Variants in CDH4 observed in about 807,000 individuals in gnomAD.
The protein encoded by CDH4 is cadherin 4.
A neutral mutation model predicts 86.0 loss-of-function variants in CDH4; 33 were observed. The ratio of observed to expected loss-of-function variants is 0.38; its 90% confidence interval spans 0.29 to 0.51. The LOEUF is 0.51. CDH4 is among the 20% of genes least tolerant of loss of function. The pLI is 0.86. For synonymous variants in CDH4, 555 were observed against 549.4 expected, an observed-to-expected ratio of 1.01 and a Z score of -0.14; for missense variants, 1,114 against 1,307.4, an observed-to-expected ratio of 0.85 and a Z score of 2.28.
chr20:61,898,253 A>G (rs549101964), intron 8 of CDH4, among the ~76,000 whole-genome samples: 1 of 152,386 alleles, frequency 6.6e-6, no homozygotes, highest in East Asian at 1.9e-4. Flanking sequence ...ATCAAGAACA[A>G]TCAGCAGAAG....
chr20:61,352,520 T>A (rs536510879), intron 2 of CDH4, among the ~76,000 whole-genome samples: 4 of 152,212 alleles, frequency 2.6e-5, no homozygotes, highest in Non-Finnish European at 5.9e-5. Flanking sequence ...GTGAGCCGCC[T>A]GTGGGGCAGC....
At position 61,544,642 on chromosome 20, in the gene CDH4, C is replaced by T. The variant is rs1467887615; in HGVS notation, c.170-198921C>T. ...ACAGGGCCCACCAGACCCCACGCTG[C>T]TCTACTCCGCACCGGCCCCCCTGCC... On this transcript the variant is annotated intron_variant, in intron 2 of 15. Coordinates refer to ENST00000614565, the MANE Select transcript of CDH4 (RefSeq NM_001794.5). The surrounding 1 kb of genome is among the most constrained non-coding windows in gnomAD (Gnocchi z 6.5). Among the ~76,000 whole-genome samples, 1 of 152,046 alleles carries T rather than the reference C, an allele frequency of 6.6e-6. No individual in the cohort carries two copies. Among genetic ancestry groups the T allele is most frequent in the East Asian group, 1.9e-4 (1 of 5,138 alleles).
At chr20:61,934,626 C>G (rs946610591) in intron 15 of CDH4, among the ~76,000 whole-genome samples, 2 of 152,374 alleles carry the variant, frequency 1.3e-5, no homozygotes, top group African/African-American at 4.8e-5. Context: ...ACAGAGCCCA[C>G]TGCCGCTGTG....
chr20:61,369,217 C>CTTA (rs1292504992), intron 2 of CDH4, among the ~76,000 whole-genome samples: 2 of 152,160 alleles, frequency 1.3e-5, no homozygotes, highest in Admixed American at 6.5e-5. Flanking sequence ...CTTTGGGAGG[C>CTTA]TGAGGCGGGC....
At chr20:61,659,502 G>A (rs1275214607) in intron 2 of CDH4, among the ~76,000 whole-genome samples, 1 of 152,222 alleles carries the variant, frequency 6.6e-6, no homozygotes, top group Non-Finnish European at 1.5e-5. Flanking sequence ...TGGCTTTCAA[G>A]TGAGCGAAGG....
chr20:61,701,892 T>A (rs755285543), intron 2 of CDH4, among the ~76,000 whole-genome samples: 1 of 152,224 alleles, frequency 6.6e-6, no homozygotes, highest in Non-Finnish European at 1.5e-5. Flanking sequence ...GGGACAAGTT[T>A]GACCTTATCA....
chr20:61,833,414 C>T (rs149995697), intron 4 of CDH4, among the ~76,000 whole-genome samples: 7 of 152,000 alleles, frequency 4.6e-5, no homozygotes, highest in South Asian at 4.2e-4. Flanking sequence ...CAGAGCTCTC[C>T]GGGGGAGACA....
chr20:61,845,156 G>A (rs760371982), intron 5 of CDH4, among the ~76,000 whole-genome samples: 13 of 152,234 alleles, frequency 8.5e-5, no homozygotes, highest in African/African-American at 1.2e-4. Flanking sequence ...ATGGCTCTGC[G>A]GGGCTGGGAG....
In CDH4 at chr20:61,654,479, T is replaced by C. The variant is rs539332303; in HGVS notation, c.170-89084T>C. Among the ~76,000 whole-genome samples the C allele has an allele frequency of 4.4e-4, 67 of 152,300 alleles. 1 individual carries two copies. Among genetic ancestry groups the C allele is most frequent in the Admixed American group, 3.5e-3 (54 of 15,296 alleles). ...GAAAAATCAAGACTTTTTAAGAAAC[T>C]TTAATTGTTGATTAGTTGTGTATTT... On this transcript the variant is annotated intron_variant, in intron 2 of 15. Coordinates refer to ENST00000614565, the MANE Select transcript of CDH4 (RefSeq NM_001794.5).
intron 2 of CDH4, among the ~76,000 whole-genome samples, chr20:61,289,588 C>T (rs1188143305): frequency 6.6e-6 from 1 of 152,218 alleles, no homozygotes; most frequent in East Asian, 1.9e-4. Context: ...GCAGTCCCTG[C>T]CTTTGGATTA....
intron 2 of CDH4, among the ~76,000 whole-genome samples, chr20:61,317,517 C>T (rs1276263160): frequency 4.6e-5 from 7 of 152,134 alleles, no homozygotes; most frequent in African/African-American, 2.4e-5. Flanking sequence ...GCTCACGTGC[C>T]TGCCAAAGCC....
chr20:61,652,314 C>T (rs1232657178), intron 2 of CDH4, among the ~76,000 whole-genome samples: 1 of 151,094 alleles, frequency 6.6e-6, no homozygotes, highest in African/African-American at 2.4e-5. Flanking sequence ...TATGTGGTTT[C>T]GCTTATTGCA....
chr20:61,483,871 G>T (rs2145581615), intron 2 of CDH4, among the ~76,000 whole-genome samples: 1 of 152,260 alleles, frequency 6.6e-6, no homozygotes, highest in South Asian at 2.1e-4. Context: ...TGGTTATGCA[G>T]CCAAAGCTAA....
intron 4 of CDH4, among the ~76,000 whole-genome samples, chr20:61,833,928 T>A (rs1165374788): frequency 2.0e-5 from 3 of 152,230 alleles, no homozygotes; most frequent in Non-Finnish European, 4.4e-5. Context: ...GAGCACTGCC[T>A]GGAGGCACAG....
intron 2 of CDH4, among the ~76,000 whole-genome samples, chr20:61,683,557 C>T (rs762932714): frequency 6.6e-6 from 1 of 152,334 alleles, no homozygotes. Context: ...CCAAACTGCA[C>T]GCATCTGCTT....
Position 61,681,224 on chromosome 20 carries a change from C to T in CDH4, c.170-62339C>T, listed in dbSNP as rs1450471305. 2.0e-5 allele frequency among the ~76,000 whole-genome samples: 3 copies of T among 152,192 alleles called. No homozygotes were observed. Among genetic ancestry groups the T allele is most frequent in the East Asian group, 3.8e-4 (2 of 5,198 alleles). Reference sequence around the variant, plus strand: ...CAGCCACACACAGTCAAATTTGAGGCATAATTTGCTGTGAATTACCTACAA... The same window carrying T: ...CAGCCACACACAGTCAAATTTGAGGTATAATTTGCTGTGAATTACCTACAA... On this transcript the variant is annotated intron_variant, in intron 2 of 15. Coordinates refer to ENST00000614565, the MANE Select transcript of CDH4 (RefSeq NM_001794.5). This position sits in a 1 kb window ranked among gnomAD's most constrained non-coding sequence, Gnocchi z 4.5.
At chr20:61,783,310 G>A (rs1978645436) in intron 4 of CDH4, among the ~76,000 whole-genome samples, 2 of 152,132 alleles carry the variant, frequency 1.3e-5, no homozygotes, top group Non-Finnish European at 2.9e-5. Flanking sequence ...ATTCTCCAAA[G>A]GCACATTCTA....
At chr20:61,543,980 A>T (rs1040921169) in intron 2 of CDH4, among the ~76,000 whole-genome samples, 3 of 152,194 alleles carry the variant, frequency 2.0e-5, no homozygotes, top group Non-Finnish European at 4.4e-5. Flanking sequence ...CAGAGCTAAG[A>T]GGGTGTGGTG....
At position 61,377,495 on chromosome 20, in the gene CDH4, G is replaced by A. The variant is rs939862555; in HGVS notation, c.169+122558G>A. 6.6e-6 allele frequency among the ~76,000 whole-genome samples: 1 copy of A among 152,144 alleles called. No individual in the cohort carries two copies. Among genetic ancestry groups the A allele is most frequent in the Non-Finnish European group, 1.5e-5 (1 of 68,030 alleles). ...CTCCAGCACCAAGACATCCCCATGT[G>A]CACTTGTATAAAGAGGAGGCTGTGG... On this transcript the variant is annotated intron_variant, in intron 2 of 15. Transcript: ENST00000614565. The surrounding 1 kb of genome is among the most constrained non-coding windows in gnomAD (Gnocchi z 4.0).
Sources: gnomAD v4.1 joint callset for allele counts (sites outside exome capture counted in the v4.1 genomes callset) on GRCh38, gnomAD v4.1.1 for gene constraint, Gnocchi (gnomAD v3.1) non-coding constraint, MANE v1.5 for transcripts, NCBI Gene and HGNC (gene_info 2026-07-23, HGNC 2026-07-21) for gene names.